Variants in PDE3A observed in about 807,000 individuals in gnomAD.
The protein encoded by PDE3A is phosphodiesterase 3A.
In PDE3A, 43 loss-of-function variants were observed where a neutral mutation model predicts 98.3. That is an observed-to-expected ratio of 0.44 (90% CI 0.34 to 0.56). The LOEUF (loss-of-function observed/expected upper bound fraction) is 0.56. PDE3A is among the 20% of genes least tolerant of loss of function. The probability of loss-of-function intolerance (pLI) is 0.01; values close to 1 mark genes in which losing one functional copy is unlikely to be tolerated. For missense variants in PDE3A, 1,427 were observed against 1,440.7 expected, an observed-to-expected ratio of 0.99 and a Z score of 0.15; for synonymous variants, 663 against 567.9, an observed-to-expected ratio of 1.17 and a Z score of -2.38.
intron 8 of PDE3A, among the ~76,000 whole-genome samples, 158 bp from the exon 9 acceptor site, chr12:20,636,942 G>A (rs75695742): frequency 0.026 from 4,003 of 152,152 alleles, 137 homozygotes; most frequent in Non-Finnish European, 0.036. Context: ...TCAATGTCTC[G>A]TTCATGTTGA....
chr12:20,535,052 C>T (rs1293141873), intron 1 of PDE3A, among the ~76,000 whole-genome samples: 1 of 152,108 alleles, frequency 6.6e-6, no homozygotes, highest in African/African-American at 2.4e-5. Flanking sequence ...CAAATTCTCC[C>T]ATTACATAAA....
intron 5 of PDE3A, among the ~76,000 whole-genome samples, chr12:20,623,763 A>ATATGATGGATGTATTCTAGAAAGAATT (rs1555102187): frequency 0.22 from 7,156 of 32,754 alleles, 1,522 homozygotes; most frequent in South Asian, 0.29. Flanking sequence ...TAGAAAGAAT[A>ATATGATGGATGTATTCTAGAAAGAATT]TATGATGGAT....
chr12:20,512,940 C>A (rs7305532), intron 1 of PDE3A, among the ~76,000 whole-genome samples: 134,286 of 152,100 alleles, frequency 0.88, 59,617 homozygotes, highest in East Asian at 1. Flanking sequence ...TAGAAGTCAC[C>A]AGATTCTTAT....
rs1565532489 is a variant in PDE3A, at chr12:20,386,090, A to AAAT, written c.960+15847_960+15848insATA. Reference sequence around the variant, plus strand: ...TATATAAAATATATATAAATATATAAATATATATAAATATATATATAAATA... The same window carrying AAAT: ...TATATAAAATATATATAAATATATAAAATATATATATAAATATATATATAAATA... On this transcript the variant is annotated intron_variant, in intron 1 of 15. Transcript: ENST00000359062. Among the ~76,000 whole-genome samples the AAAT allele has an allele frequency of 3.0e-3, 45 of 15,112 alleles. 1 individual carries two copies. The highest frequency in any genetic ancestry group is 8.0e-3 in the African/African-American group (45 of 5,632). 9.9% of individuals were successfully genotyped at this position (15,112 alleles called of 152,430 possible). A position where few individuals can be genotyped will look rare whatever the true frequency, so the allele number is the denominator to read the frequency against.
intron 2 of PDE3A, among the ~76,000 whole-genome samples, chr12:20,606,648 T>G (rs1187584931): frequency 6.6e-6 from 1 of 151,512 alleles, no homozygotes; most frequent in Non-Finnish European, 1.5e-5. Flanking sequence ...CACCTGAGGT[T>G]GGGAGTTTGA....
At chr12:20,428,432 G>A (rs1010919251) in intron 1 of PDE3A, among the ~76,000 whole-genome samples, 24 of 151,770 alleles carry the variant, frequency 1.6e-4, no homozygotes, top group South Asian at 1.0e-3. Flanking sequence ...GGCGCCCGCC[G>A]CCACGCCCGG....
At chr12:20,674,982 T>C (rs756430596) in intron 15 of PDE3A, among the ~76,000 whole-genome samples, 3 of 152,048 alleles carry the variant, frequency 2.0e-5, no homozygotes, top group Non-Finnish European at 4.4e-5. Context: ...TACTACTTTG[T>C]GGCCTAGTTA....
At chr12:20,511,226 T>C (rs1043566029) in intron 1 of PDE3A, among the ~76,000 whole-genome samples, 1 of 152,094 alleles carries the variant, frequency 6.6e-6, no homozygotes, top group African/African-American at 2.4e-5. Context: ...TTGCTCCGCA[T>C]ACTGCAGTGT....
intron 15 of PDE3A, among the ~76,000 whole-genome samples, chr12:20,670,405 GCACCA>G (rs1176612199): frequency 5.3e-5 from 8 of 151,550 alleles, no homozygotes; most frequent in African/African-American, 1.9e-4. Context: ...ATTTTTTTCA[GCACCA>G]CACCACACCT....
intron 1 of PDE3A, among the ~76,000 whole-genome samples, chr12:20,448,169 C>G (rs12815826): frequency 0.32 from 47,964 of 152,084 alleles, 8,393 homozygotes; most frequent in Non-Finnish European, 0.39. Flanking sequence ...GAGGTGGTGG[C>G]TCACGCCCGT....
rs564850900 is a variant in PDE3A, at chr12:20,420,569, A to T, written c.960+50325A>T. Among the ~76,000 whole-genome samples, 5 of 152,234 alleles carry T rather than the reference A, an allele frequency of 3.3e-5. No individual in the cohort carries two copies. In the South Asian group the frequency reaches 1.0e-3, roughly 32 times the overall value. ...TGAACTGACTGCTGAATTGGGGGAC[A>T]TTCAGGGCAATTGTACACGTATTGC... On this transcript the variant is annotated intron_variant, in intron 1 of 15. Coordinates refer to ENST00000359062, the MANE Select transcript of PDE3A (RefSeq NM_000921.5).
chr12:20,560,350 T>C (rs1019853729), intron 2 of PDE3A, among the ~76,000 whole-genome samples: 3 of 152,156 alleles, frequency 2.0e-5, no homozygotes, highest in Non-Finnish European at 4.4e-5. Flanking sequence ...ATGATCTTAC[T>C]AGAGACCAGG....
At chr12:20,604,134 A>C (rs977139877) in intron 2 of PDE3A, among the ~76,000 whole-genome samples, 1 of 151,230 alleles carries the variant, frequency 6.6e-6, no homozygotes, top group African/African-American at 2.4e-5. Flanking sequence ...GTGCCACTGC[A>C]CTCCAGCCTG....
At position 20,668,336 on chromosome 12, in the gene PDE3A, T is replaced by C. The variant is rs1185138811; in HGVS notation, c.3185-11694T>C. ...AAGCAGCCAGGAAGCTCGAACTGGG[T>C]GGAGCCCACCACAGCTCAAGGAGGC... On this transcript the variant is annotated intron_variant, in intron 15 of 15. Coordinates refer to ENST00000359062, the MANE Select transcript of PDE3A (RefSeq NM_000921.5). 4.9e-3 allele frequency among the ~76,000 whole-genome samples: 743 copies of C among 152,244 alleles called. 6 individuals are homozygous for C. The highest frequency in any genetic ancestry group is 0.017 in the African/African-American group (696 of 41,536).
intron 15 of PDE3A, among the ~76,000 whole-genome samples, chr12:20,665,946 G>A (rs1287478958): frequency 3.4e-5 from 5 of 145,256 alleles, no homozygotes; most frequent in Non-Finnish European, 7.5e-5. Flanking sequence ...GTCACCTCGA[G>A]TATTTGTCAT....
chr12:20,467,419 A>G (rs1024181002), intron 1 of PDE3A, among the ~76,000 whole-genome samples: 1 of 151,884 alleles, frequency 6.6e-6, no homozygotes, highest in Non-Finnish European at 1.5e-5. Context: ...CTGTTAATTT[A>G]TACTCTAGAT....
At chr12:20,545,781 A>AC (rs200694205) in intron 1 of PDE3A, among the ~76,000 whole-genome samples, 1,308 of 76,326 alleles carry the variant, frequency 0.017, 14 homozygotes, top group African/African-American at 0.044. Flanking sequence ...GGCTGCCAAA[A>AC]AAAAAAAAAC....
chr12:20,543,031 T>C (rs138355877), intron 1 of PDE3A, among the ~76,000 whole-genome samples: 314 of 152,160 alleles, frequency 2.1e-3, no homozygotes, highest in African/African-American at 6.4e-3. Context: ...AAGAGGTAGT[T>C]TGACAAACTG....
intron 1 of PDE3A, among the ~76,000 whole-genome samples, chr12:20,386,202 A>AAAATATATAT (rs1565532732): frequency 4.9e-5 from 3 of 61,406 alleles, no homozygotes; most frequent in African/African-American, 1.8e-4. Flanking sequence ...TAAATATATA[A>AAAATATATAT]AAATATATAT....
Sources: gnomAD v4.1 joint callset for allele counts (sites outside exome capture counted in the v4.1 genomes callset) on GRCh38, gnomAD v4.1.1 for gene constraint, MANE v1.5 for transcripts, NCBI Gene and HGNC (gene_info 2026-07-23, HGNC 2026-07-21) for gene names.